Variants in CDH4 observed in about 807,000 individuals in gnomAD.
The protein encoded by CDH4 is cadherin-4.
A neutral mutation model predicts 86.0 loss-of-function variants in CDH4; 33 were observed. The observed-to-expected ratio is 0.38, with a 90% CI of 0.29 to 0.51. The LOEUF is 0.51. Ranked by LOEUF, CDH4 falls within the 20% of genes least tolerant of loss-of-function variation. The pLI, the probability that CDH4 is intolerant of heterozygous loss-of-function variation, is 0.86. For missense variants in CDH4, 1,114 were observed against 1,307.4 expected, an observed-to-expected ratio of 0.85 and a Z score of 2.28; for synonymous variants, 555 against 549.4, an observed-to-expected ratio of 1.01 and a Z score of -0.14.
chr20:61,647,857 A>G lies in CDH4; in HGVS notation c.170-95706A>G, dbSNP rs1275038952. On this transcript the variant is annotated intron_variant, in intron 2 of 15. Transcript: ENST00000614565. Reference sequence around the variant, plus strand: ...AGAGGGAGAACAGCCCCCAGGGGACAGTTAAACAGCAGCCATTATCAGAAG... The same window carrying G: ...AGAGGGAGAACAGCCCCCAGGGGACGGTTAAACAGCAGCCATTATCAGAAG... 3.9e-5 allele frequency among the ~76,000 whole-genome samples: 6 copies of G among 152,278 alleles called. No individual in the cohort carries two copies. The East Asian group carries it at 1.2e-3, about 29-fold the overall frequency.
At chr20:61,737,315 G>C (rs942014516) in intron 2 of CDH4, among the ~76,000 whole-genome samples, 1 of 152,138 alleles carries the variant, frequency 6.6e-6, no homozygotes, top group South Asian at 2.1e-4. Context: ...GGGCCAGGTT[G>C]CCCAGAACCT....
chr20:61,585,941 G>GTGGTGATGAGGAGGATGATGGTGA (rs2086467442), intron 2 of CDH4, among the ~76,000 whole-genome samples: 1 of 149,978 alleles, frequency 6.7e-6, no homozygotes, highest in Non-Finnish European at 1.5e-5. Context: ...TGGTGATGAG[G>GTGGTGATGAGGAGGATGATGGTGA]TGGTGATGAG....
chr20:61,857,209 G>A (rs763056197), intron 6 of CDH4, among the ~76,000 whole-genome samples: 7 of 152,258 alleles, frequency 4.6e-5, no homozygotes, highest in Admixed American at 1.3e-4. Context: ...TGCGTTCCGC[G>A]CTGTCTGGGA....
At chr20:61,588,949 G>A (rs537056541) in intron 2 of CDH4, among the ~76,000 whole-genome samples, 6 of 152,278 alleles carry the variant, frequency 3.9e-5, no homozygotes, top group African/African-American at 1.2e-4. Flanking sequence ...CATTCTGTTC[G>A]TAAAAACACA....
At chr20:61,918,078 TG>T (rs557897484) in intron 9 of CDH4, among the ~76,000 whole-genome samples, 1 of 152,102 alleles carries the variant, frequency 6.6e-6, no homozygotes, top group South Asian at 2.1e-4. Flanking sequence ...CTGGAGGGCC[TG>T]GGGGGGCAGC....
intron 2 of CDH4, among the ~76,000 whole-genome samples, chr20:61,625,539 T>C (rs991755774): frequency 6.6e-6 from 1 of 152,142 alleles, no homozygotes; most frequent in Admixed American, 6.5e-5. Flanking sequence ...CATCTGCTTA[T>C]CATGAGAACA....
chr20:61,666,043 C>T (rs73306692), intron 2 of CDH4, among the ~76,000 whole-genome samples: 33,491 of 152,142 alleles, frequency 0.22, 4,489 homozygotes, highest in Non-Finnish European at 0.3. Flanking sequence ...ACCATCCAGC[C>T]AGCCCCACCC....
chr20:61,321,134 C>T (rs1194233128), intron 2 of CDH4, among the ~76,000 whole-genome samples: 5 of 152,298 alleles, frequency 3.3e-5, no homozygotes, highest in African/African-American at 4.8e-5. Flanking sequence ...ACCTCGAGAG[C>T]GCATGCGAGA....
chr20:61,598,929 G>A (rs530734426), intron 2 of CDH4, among the ~76,000 whole-genome samples: 41 of 152,334 alleles, frequency 2.7e-4, no homozygotes, highest in African/African-American at 9.6e-4. Context: ...CGGTCAGTGA[G>A]GGTCGCCTTT....
chr20:61,267,515 G>A (rs182649610), intron 2 of CDH4, among the ~76,000 whole-genome samples: 3 of 152,180 alleles, frequency 2.0e-5, no homozygotes, highest in East Asian at 3.8e-4. Flanking sequence ...GCACTTTAGT[G>A]TAGTAATGGG....
intron 2 of CDH4, among the ~76,000 whole-genome samples, chr20:61,659,419 G>A (rs1052037845): frequency 7.2e-5 from 11 of 152,342 alleles, no homozygotes; most frequent in East Asian, 5.8e-4. Context: ...GAGGGGCTGC[G>A]CTGCCCCCCA....
At chr20:61,853,888 G>A (rs780586312) in intron 6 of CDH4, among the ~76,000 whole-genome samples, 2 of 152,182 alleles carry the variant, frequency 1.3e-5, no homozygotes, top group Non-Finnish European at 2.9e-5. Context: ...GTCGGGGGAG[G>A]TGAGGTCACT....
intron 2 of CDH4, among the ~76,000 whole-genome samples, chr20:61,372,395 T>G (rs1308242164): frequency 3.9e-5 from 6 of 152,220 alleles, no homozygotes; most frequent in Non-Finnish European, 7.4e-5. Flanking sequence ...CTTCGCCTCC[T>G]TCTCCGTGCA....
intron 2 of CDH4, among the ~76,000 whole-genome samples, chr20:61,652,781 G>C (rs1600841703): frequency 2.1e-5 from 3 of 140,480 alleles, no homozygotes; most frequent in African/African-American, 7.8e-5. Context: ...AATTCATGGG[G>C]TGATTTTTTT....
intron 2 of CDH4, among the ~76,000 whole-genome samples, chr20:61,473,399 G>A (rs2085517088): frequency 6.6e-6 from 1 of 152,138 alleles, no homozygotes; most frequent in African/African-American, 2.4e-5. Flanking sequence ...CAGCTCAGTT[G>A]GCTGTACCCC....
intron 2 of CDH4, among the ~76,000 whole-genome samples, chr20:61,330,158 G>A (rs575357767): frequency 6.6e-6 from 1 of 152,254 alleles, no homozygotes; most frequent in South Asian, 2.1e-4. Context: ...ACGCGTGCAT[G>A]TATCTTTATA....
intron 2 of CDH4, among the ~76,000 whole-genome samples, chr20:61,723,848 C>T (rs1046065101): frequency 2.0e-5 from 3 of 151,246 alleles, no homozygotes; most frequent in African/African-American, 4.9e-5. Context: ...ATGAGCCAGA[C>T]GTGCAAGCGG....
intron 4 of CDH4, among the ~76,000 whole-genome samples, chr20:61,786,358 G>A (rs930288243): frequency 2.6e-5 from 4 of 152,096 alleles, no homozygotes; most frequent in Admixed American, 6.6e-5. Context: ...TGCAGTCTGC[G>A]AGTCGCCCGG....
intron 9 of CDH4, among the ~76,000 whole-genome samples, chr20:61,923,097 G>A (rs2055000537): frequency 6.6e-6 from 1 of 152,228 alleles, no homozygotes; most frequent in Admixed American, 6.5e-5. Context: ...CCCACACTAG[G>A]CTCAAAGGAG....
Sources: allele counts gnomAD v4.1 joint callset (sites outside exome capture counted in the v4.1 genomes callset), GRCh38; gene constraint gnomAD v4.1.1; transcripts MANE v1.5; gene names NCBI Gene and HGNC (gene_info 2026-07-23, HGNC 2026-07-21).